The following KAZN variants were observed in gnomAD, a reference collection of about 807,000 sequenced individuals.
KAZN encodes kazrin, periplakin interacting protein, also known as kazrin.
A neutral mutation model predicts 87.4 loss-of-function variants in KAZN; 40 were observed. That is an observed-to-expected ratio of 0.46 (90% CI 0.36 to 0.60). The LOEUF (loss-of-function observed/expected upper bound fraction) is 0.60. Among genes scored for constraint, KAZN ranks in the 20% least tolerant of loss-of-function variants. KAZN has a pLI of 0.00. For synonymous variants in KAZN, 466 were observed against 458.3 expected (o/e 1.02, Z -0.22); for missense variants, 898 against 1,073.9 (o/e 0.84, Z 2.29).
At chr1:13,978,129 C>CAAA (rs35828417) in intron 1 of KAZN, among the ~76,000 whole-genome samples, 1,603 of 78,150 alleles carry the variant, frequency 0.021, 23 homozygotes, top group African/African-American at 0.023. Flanking sequence ...CTCCATCTCA[C>CAAA]AAAAAAAAAA....
At chr1:14,477,820 A>G (rs1428890371) in intron 2 of KAZN, among the ~76,000 whole-genome samples, 1 of 152,206 alleles carries the variant, frequency 6.6e-6, no homozygotes, top group East Asian at 1.9e-4. Context: ...CCCCAGGGCC[A>G]ACGCTGCCCA....
At chr1:14,548,597 G>A (rs1673319422) in intron 2 of KAZN, among the ~76,000 whole-genome samples, 1 of 152,080 alleles carries the variant, frequency 6.6e-6, no homozygotes, top group Non-Finnish European at 1.5e-5. Context: ...GAATAATATT[G>A]TATGTTTCCT....
At chr1:14,739,847 C>T (rs763490317) in intron 1 of KAZN, among the ~76,000 whole-genome samples, 4 of 152,114 alleles carry the variant, frequency 2.6e-5, no homozygotes, top group Admixed American at 1.3e-4. Context: ...AGGAATTCAT[C>T]TGCACCCTTC....
intron 2 of KAZN, among the ~76,000 whole-genome samples, chr1:14,364,088 T>C (rs1041417553): frequency 2.0e-5 from 3 of 152,108 alleles, no homozygotes; most frequent in Non-Finnish European, 2.9e-5. Context: ...AGGAACTGCG[T>C]TGTGTTAAGG....
chr1:14,513,047 A>G (rs1374826633), intron 2 of KAZN, among the ~76,000 whole-genome samples: 1 of 152,186 alleles, frequency 6.6e-6, no homozygotes, highest in Non-Finnish European at 1.5e-5. Context: ...GATTGCTTAT[A>G]AAAGATCTCT....
intron 2 of KAZN, among the ~76,000 whole-genome samples, chr1:14,198,811 G>T (rs1646581036): frequency 6.6e-6 from 1 of 152,122 alleles, no homozygotes; most frequent in South Asian, 2.1e-4. Context: ...CTAAGGTAGG[G>T]TTGTCTATAA....
chr1:14,416,516 C>T (rs974383141), intron 2 of KAZN, among the ~76,000 whole-genome samples: 13 of 152,136 alleles, frequency 8.5e-5, no homozygotes, highest in African/African-American at 3.1e-4. Context: ...GCAGGCAGAT[C>T]ACCTGAGGTC....
intron 2 of KAZN, among the ~76,000 whole-genome samples, chr1:14,961,552 G>T (rs1486827722): frequency 6.6e-6 from 1 of 152,186 alleles, no homozygotes; most frequent in African/African-American, 2.4e-5. Context: ...GTCTCAGCGG[G>T]TTATTTGAGA....
intron 2 of KAZN, among the ~76,000 whole-genome samples, chr1:14,549,131 A>T (rs1673347478): frequency 6.6e-6 from 1 of 152,196 alleles, no homozygotes; most frequent in Non-Finnish European, 1.5e-5. Flanking sequence ...TAATTCTAAT[A>T]ATTTTTCGGT....
chr1:14,774,613 G>A (rs1353852785), intron 1 of KAZN, among the ~76,000 whole-genome samples: 1 of 151,952 alleles, frequency 6.6e-6, no homozygotes, highest in African/African-American at 2.4e-5. Flanking sequence ...TGGGACTACA[G>A]GCATGCATCA....
intron 1 of KAZN, among the ~76,000 whole-genome samples, chr1:14,934,294 G>A (rs1286323974): frequency 1.3e-5 from 2 of 150,698 alleles, no homozygotes; most frequent in Non-Finnish European, 2.9e-5. Flanking sequence ...TGCAACCTCC[G>A]CCTCCCAGGT....
At chr1:15,097,722 G>C (rs543221951) in intron 10 of KAZN, among the ~76,000 whole-genome samples, 13 of 152,302 alleles carry the variant, frequency 8.5e-5, no homozygotes, top group African/African-American at 3.1e-4. Context: ...GGAGGCTGAG[G>C]CAGGAGAATT....
chr1:14,820,081 T>C lies in KAZN; in HGVS notation c.227-140603T>C, dbSNP rs1557522904. On this transcript the variant is annotated intron_variant, in intron 1 of 14. Transcript: ENST00000376030. The surrounding 1 kb of genome is among the most constrained non-coding windows in gnomAD (Gnocchi z 4.1). ...TAATCTAGTGGTTCTCCAACTTTAATGTGCTCAGGAATCACCTGGAGAATT... is the reference window on the plus strand; with the variant it reads ...TAATCTAGTGGTTCTCCAACTTTAACGTGCTCAGGAATCACCTGGAGAATT... Among the ~76,000 whole-genome samples the C allele has an allele frequency of 1.3e-5, 2 of 152,198 alleles. No homozygotes were observed. Among genetic ancestry groups the C allele is most frequent in the Non-Finnish European group, 2.9e-5 (2 of 68,040 alleles).
At chr1:14,884,068 A>G (rs1389225692) in intron 1 of KAZN, among the ~76,000 whole-genome samples, 10 of 152,152 alleles carry the variant, frequency 6.6e-5, no homozygotes, top group Admixed American at 6.5e-4. Flanking sequence ...GAGAGAAACT[A>G]CATCACTCAT....
At chr1:15,102,231 G>A (rs915055789) in intron 11 of KAZN, among the ~76,000 whole-genome samples, 5 of 152,100 alleles carry the variant, frequency 3.3e-5, no homozygotes, top group African/African-American at 1.2e-4. Context: ...AAATTTTTAA[G>A]TGTTTGCTAT....
intron 2 of KAZN, among the ~76,000 whole-genome samples, chr1:14,570,934 T>G (rs996980113): frequency 6.6e-6 from 1 of 152,206 alleles, no homozygotes; most frequent in African/African-American, 2.4e-5. Context: ...TCCTGACCTC[T>G]GAATCCTTAC....
Position 14,290,464 on chromosome 1 carries a change from G to A in KAZN, c.249+109872G>A, listed in dbSNP as rs115326084. On this transcript the variant is annotated intron_variant, in intron 2 of 16. Transcript: ENST00000636203. ...CTGATACCCTTTCTCCCACTTGATCGAATTGGCTATTGAAGCTTGTGCGTG... is the reference window on the plus strand; with the variant it reads ...CTGATACCCTTTCTCCCACTTGATCAAATTGGCTATTGAAGCTTGTGCGTG... Among the ~76,000 whole-genome samples the A allele has an allele frequency of 2.9e-3, 444 of 152,042 alleles. 3 individuals carry two copies. The highest frequency in any genetic ancestry group is 0.02 in the Middle Eastern group (6 of 294).
intron 1 of KAZN, among the ~76,000 whole-genome samples, chr1:14,959,305 G>T (rs1663551434): frequency 6.6e-6 from 1 of 152,212 alleles, no homozygotes; most frequent in African/African-American, 2.4e-5. Flanking sequence ...ACAATGAGGA[G>T]GCAGCCACAG....
At chr1:14,883,345 A>AGGGAGGGAGGGAGG (rs1491202513) in intron 1 of KAZN, among the ~76,000 whole-genome samples, 2 of 28,516 alleles carry the variant, frequency 7.0e-5, no homozygotes, top group Non-Finnish European at 1.7e-4. Context: ...AGAGAGAGAA[A>AGGGAGGGAGGGAGG]GAAAGAAAGA....
Sources: allele counts gnomAD v4.1 joint callset (sites outside exome capture counted in the v4.1 genomes callset), GRCh38; gene constraint gnomAD v4.1.1; non-coding constraint Gnocchi (gnomAD v3.1); transcripts MANE v1.5; gene names NCBI Gene and HGNC (gene_info 2026-07-23, HGNC 2026-07-21).